TNC: variants seen among roughly 807,000 people sequenced by gnomAD.
TNC encodes the protein tenascin C, also known as tenascin.
Under a neutral mutation model 202.4 loss-of-function variants are expected in TNC, and 109 were observed. The ratio of observed to expected loss-of-function variants is 0.54; its 90% confidence interval spans 0.46 to 0.63. The LOEUF (loss-of-function observed/expected upper bound fraction) is 0.63. TNC is among the 30% of genes least tolerant of loss of function. The pLI is 0.00. For synonymous variants in TNC, 1,007 were observed against 1,089.7 expected (o/e 0.92, Z 1.50); for missense variants, 2,756 against 2,833.3 (o/e 0.97, Z 0.62).
chr9:115,041,306 G>GGC lies in TNC; in HGVS notation c.5249-223_5249-222insGC, dbSNP rs71932798. Among the ~76,000 whole-genome samples, 543 of 125,996 alleles carry GGC rather than the reference G, an allele frequency of 4.3e-3. 6 individuals carry two copies. Among genetic ancestry groups the GGC allele is most frequent in the African/African-American group, 0.014 (476 of 34,894 alleles). 82.7% of individuals were successfully genotyped at this position (125,996 alleles called of 152,430 possible). On this transcript the variant is annotated intron_variant, in intron 18 of 27. Transcript: ENST00000350763. ...CAGATGCCAAAAACAAAGCCAGGAG[G>GGC]GGCGGGGGAAAACATGAAGTCACAA...
chr9:115,040,906 A>AACACACAC (rs35141770), intron 19 of TNC, 35 bp downstream of exon 19: 191 of 1,478,270 alleles, frequency 1.3e-4, no homozygotes, highest in African/African-American at 3.8e-4. Context: ...GAAAAATAGT[A>AACACACAC]ACACACACAC....
At chr9:115,076,341 G>C in intron 8 of TNC, 49 bp downstream of exon 8, 1 of 1,598,512 alleles carries the variant, frequency 6.3e-7, no homozygotes, top group Non-Finnish European at 8.5e-7. Context: ...CATCCTTTAA[G>C]GGCCCTCTAG....
intron 1 of TNC, among the ~76,000 whole-genome samples, chr9:115,114,285 TC>T (rs1588255626): frequency 6.6e-6 from 1 of 152,236 alleles, no homozygotes; most frequent in African/African-American, 2.4e-5. Flanking sequence ...CTCTGAGGCT[TC>T]CGCTGAATTT....
chr9:115,056,224 TTTC>T (rs1832107948), intron 15 of TNC, among the ~76,000 whole-genome samples: 1 of 152,210 alleles, frequency 6.6e-6, no homozygotes, highest in Admixed American at 6.5e-5. Context: ...TAGTTTGTGA[TTTC>T]TTCATTTCTC....
intron 23 of TNC, 27 bp downstream of exon 23, chr9:115,031,526 G>A (rs1481406701): frequency 6.6e-7 from 1 of 1,508,658 alleles, no homozygotes; most frequent in East Asian, 2.5e-5. Context: ...AGATCTCAAG[G>A]CTGGATGGCA....
In TNC at chr9:115,086,427, C is replaced by A. The variant is rs1359511347; in HGVS notation, c.1304G>T (p.Ser435Ile). ...ACAGTCATTGGGGCACCGTAGCTGG[C>A]TGCAGTCCTCCCCAGTATAGCCCTC... ...CDEGYTGEDC[S>I]QLRCPNDCHS... Residue 435 changes from serine (S) to isoleucine (I), a missense_variant, in exon 3 of 28, where the codon AGC becomes ATC. By Grantham distance (142) the Ser-to-Ile change is moderately radical. Around this residue, in one of 2 missense-constraint regions of TNC, gnomAD observed 2,559 missense variants for 2,546.0 expected, o/e 1.01. Coordinates refer to ENST00000350763, the MANE Select transcript of TNC (RefSeq NM_002160.4). 4 of 1,613,872 alleles carry A rather than the reference C, an allele frequency of 2.5e-6. No homozygotes were observed. The highest frequency in any genetic ancestry group is 2.7e-5 in the African/African-American group (2 of 74,882).
chr9:115,086,770 C>T lies in TNC; in HGVS notation c.961G>A (p.Asp321Asn), dbSNP rs201708446. 92 of 1,613,638 alleles carry T rather than the reference C, an allele frequency of 5.7e-5. No homozygotes were observed. The Admixed American group carries it at 9.2e-4, about 16-fold the overall frequency. ...SELICPNDCF[D>N]RGRCINGTCY... ...GTGCCATTGATGCAGCGGCCCCGGT[C>T]GAAGCAGTCATTGGGGCAGATGAGC... Residue 321 changes from aspartate (D) to asparagine (N), a missense_variant, in exon 3 of 28, where the codon GAC becomes AAC. Around this residue, in one of 2 missense-constraint regions of TNC, gnomAD observed 2,559 missense variants for 2,546.0 expected, o/e 1.01. Coordinates refer to ENST00000350763, the MANE Select transcript of TNC (RefSeq NM_002160.4).
intron 2 of TNC, among the ~76,000 whole-genome samples, chr9:115,087,661 G>A (rs1347540245): frequency 6.6e-6 from 1 of 150,716 alleles, no homozygotes; most frequent in African/African-American, 2.4e-5. Flanking sequence ...CTTGTGAAAT[G>A]CATTAGGCTG....
chr9:115,105,173 G>A (rs578143684), intron 1 of TNC, among the ~76,000 whole-genome samples: 35 of 152,226 alleles, frequency 2.3e-4, no homozygotes, highest in Non-Finnish European at 4.0e-4. Context: ...ACAAAAATAC[G>A]TCTCTAGGAC....
intron 10 of TNC, among the ~76,000 whole-genome samples, chr9:115,069,027 G>A (rs1833160672): frequency 6.6e-6 from 1 of 152,192 alleles, no homozygotes; most frequent in Non-Finnish European, 1.5e-5. Context: ...AAGAGAAGCT[G>A]TTTCTTTCTC....
At chr9:115,098,745 T>G (rs1042347412) in intron 1 of TNC, among the ~76,000 whole-genome samples, 1 of 152,186 alleles carries the variant, frequency 6.6e-6, no homozygotes, top group Non-Finnish European at 1.5e-5. Context: ...TGAGGCAGCT[T>G]ACACCAAATT....
At chr9:115,021,644 GGT>G (rs148139348) in intron 27 of TNC, among the ~76,000 whole-genome samples, 1 of 151,570 alleles carries the variant, frequency 6.6e-6, no homozygotes, top group Admixed American at 6.6e-5. Flanking sequence ...CTACATACAT[GGT>G]GTGTGTGTGT....
At chr9:115,035,823 G>A in intron 21 of TNC, 1 of 406,872 alleles carries the variant, frequency 2.5e-6, no homozygotes. Flanking sequence ...CTAGGTTTAG[G>A]GCCAGTGGGA....
At chr9:115,028,121 T>C (rs775455458) in intron 25 of TNC, among the ~76,000 whole-genome samples, 1 of 152,168 alleles carries the variant, frequency 6.6e-6, no homozygotes, top group African/African-American at 2.4e-5. Context: ...GGCACCAAAA[T>C]GTCTACAAAT....
chr9:115,064,571 C>A, intron 11 of TNC, 76 bp downstream of exon 11: 1 of 1,497,602 alleles, frequency 6.7e-7, no homozygotes, highest in Non-Finnish European at 9.0e-7. Context: ...CATTCCAAAG[C>A]TAGTCGTGTC....
rs1828979542 is a variant in TNC, at chr9:115,020,443, C to T, written c.*714G>A. Reference sequence around the variant, plus strand: ...CCCTCCCACTTGACCACTATCCCTACTTACCTTTCCTATCCCAACATTCCC... The same window carrying T: ...CCCTCCCACTTGACCACTATCCCTATTTACCTTTCCTATCCCAACATTCCC... On this transcript the variant is annotated 3_prime_UTR_variant, in exon 28 of 28. Transcript: ENST00000350763. The T allele has an allele frequency of 5.3e-6, 1 of 189,532 alleles. No individual in the cohort carries two copies. 11.7% of individuals were successfully genotyped at this position (189,532 alleles called of 1,614,324 possible).
intron 1 of TNC, among the ~76,000 whole-genome samples, chr9:115,092,421 A>G (rs1835299806): frequency 6.6e-6 from 1 of 152,212 alleles, no homozygotes; most frequent in South Asian, 2.1e-4. Context: ...AAACTAAATA[A>G]AGACAGGAAG....
At chr9:115,023,701 CAG>C (rs1229262334) in intron 27 of TNC, among the ~76,000 whole-genome samples, 1 of 152,208 alleles carries the variant, frequency 6.6e-6, no homozygotes, top group Non-Finnish European at 1.5e-5. Context: ...GGGGTTCAGA[CAG>C]AGATTTTGTC....
chr9:115,067,509 C>T (rs541678167), intron 10 of TNC, among the ~76,000 whole-genome samples: 21 of 152,116 alleles, frequency 1.4e-4, no homozygotes, highest in African/African-American at 4.6e-4. Flanking sequence ...ATTTTAAATG[C>T]CCCCTTGAAA....
Sources: gnomAD v4.1 joint callset for allele counts (sites outside exome capture counted in the v4.1 genomes callset) on GRCh38, gnomAD v4.1.1 for gene constraint, gnomAD v4.1.1 regional missense constraint, MANE v1.5 for transcripts, NCBI Gene and HGNC (gene_info 2026-07-23, HGNC 2026-07-21) for gene names.